The following SDK1 variants were observed in gnomAD, a reference collection of about 807,000 sequenced individuals.
SDK1 encodes the protein protein sidekick-1.
SDK1 carries 157 observed loss-of-function variants against 245.5 expected under a neutral mutation model. The ratio of observed to expected loss-of-function variants is 0.64; its 90% CI spans 0.56 to 0.73. SDK1 has a LOEUF of 0.73. SDK1 is among the 30% of genes least tolerant of loss of function. SDK1 has a pLI of 0.00. For synonymous variants in SDK1, 1,647 were observed against 1,278.5 expected (o/e 1.29, Z -6.15); for missense variants, 3,583 against 3,002.3 (o/e 1.19, Z -4.52).
chr7:3,620,368 T>A (rs1158275207), intron 2 of SDK1, among the ~76,000 whole-genome samples: 5 of 152,028 alleles, frequency 3.3e-5, no homozygotes, highest in African/African-American at 1.2e-4. Context: ...AGTGGCGCGA[T>A]CTTGGCTCAC....
chr7:3,836,811 C>CT (rs917656109), intron 5 of SDK1, among the ~76,000 whole-genome samples: 1 of 152,118 alleles, frequency 6.6e-6, no homozygotes, highest in Non-Finnish European at 1.5e-5. Context: ...GACTGGGTGA[C>CT]TTAAACAACA....
At chr7:3,865,244 G>A (rs935640952) in intron 5 of SDK1, among the ~76,000 whole-genome samples, 55 of 152,334 alleles carry the variant, frequency 3.6e-4, no homozygotes, top group African/African-American at 1.1e-3. Flanking sequence ...AGCAGGGAGT[G>A]TGGGAGGCCT....
intron 17 of SDK1, among the ~76,000 whole-genome samples, chr7:4,032,050 T>G (rs1037194591): frequency 7.0e-6 from 1 of 143,492 alleles, no homozygotes; most frequent in South Asian, 2.2e-4. Flanking sequence ...AAAAAGTACA[T>G]AGATAGATAG....
chr7:3,633,964 G>A (rs1232817343), intron 2 of SDK1, among the ~76,000 whole-genome samples: 1 of 151,962 alleles, frequency 6.6e-6, no homozygotes, highest in Non-Finnish European at 1.5e-5. Flanking sequence ...CTACTCCCCT[G>A]GACTAGGGCT....
chr7:4,252,154 C>T (rs1201099553), intron 44 of SDK1, among the ~76,000 whole-genome samples: 1 of 151,896 alleles, frequency 6.6e-6, no homozygotes, highest in Non-Finnish European at 1.5e-5. Flanking sequence ...TGTGCTGCAC[C>T]CATTAACTTG....
intron 1 of SDK1, among the ~76,000 whole-genome samples, chr7:3,608,455 T>G (rs540924891): frequency 7.3e-4 from 111 of 152,320 alleles, no homozygotes; most frequent in African/African-American, 2.6e-3. Flanking sequence ...GAAAATAAGC[T>G]TGTTGCATCA....
chr7:3,957,002 T>A (rs1451126067), intron 7 of SDK1, among the ~76,000 whole-genome samples: 1 of 152,200 alleles, frequency 6.6e-6, no homozygotes, highest in Non-Finnish European at 1.5e-5. Context: ...CATTGTTATC[T>A]ATGGATTTTG....
intron 41 of SDK1, among the ~76,000 whole-genome samples, chr7:4,234,865 G>T (rs574278497): frequency 1.3e-5 from 2 of 152,220 alleles, no homozygotes; most frequent in Admixed American, 1.3e-4. Context: ...GGAGGCCTCG[G>T]CGTTGGGGCA....
chr7:3,374,056 A>C (rs1370591093), intron 1 of SDK1, among the ~76,000 whole-genome samples: 1 of 152,206 alleles, frequency 6.6e-6, no homozygotes, highest in Non-Finnish European at 1.5e-5. Context: ...ATGTCATCTC[A>C]GTCCAAATTG....
At chr7:4,186,745 G>A (rs1305881876) in intron 35 of SDK1, among the ~76,000 whole-genome samples, 1 of 152,186 alleles carries the variant, frequency 6.6e-6, no homozygotes, top group African/African-American at 2.4e-5. Context: ...CTCAAATGCT[G>A]TGAGCATGCC....
At chr7:4,053,473 A>C (rs776611785) in intron 19 of SDK1, among the ~76,000 whole-genome samples, 1 of 151,620 alleles carries the variant, frequency 6.6e-6, no homozygotes, top group African/African-American at 2.4e-5. Context: ...CAATCTTTTT[A>C]CTATTGGATC....
At chr7:3,472,103 G>T (rs964648123) in intron 1 of SDK1, among the ~76,000 whole-genome samples, 4 of 152,092 alleles carry the variant, frequency 2.6e-5, no homozygotes, top group Non-Finnish European at 5.9e-5. Context: ...TCCTTTATCT[G>T]TGTCTCCTTC....
intron 1 of SDK1, among the ~76,000 whole-genome samples, chr7:3,441,806 A>T (rs1301346490): frequency 6.6e-6 from 1 of 152,204 alleles, no homozygotes; most frequent in Non-Finnish European, 1.5e-5. Context: ...TAAAACCATT[A>T]TCTGCGTTTA....
chr7:4,168,717 T>C (rs596572), intron 32 of SDK1, among the ~76,000 whole-genome samples: 123,678 of 152,226 alleles, frequency 0.81, 50,688 homozygotes, highest in African/African-American at 0.94. Flanking sequence ...CTCGAGCTGC[T>C]GCAGGTCTAT....
intron 20 of SDK1, among the ~76,000 whole-genome samples, chr7:4,074,916 A>T (rs201819424): frequency 0.067 from 4,299 of 64,370 alleles, 264 homozygotes; most frequent in African/African-American, 0.11. Flanking sequence ...ATATATATAT[A>T]TTTTTTTTTT....
intron 1 of SDK1, among the ~76,000 whole-genome samples, chr7:3,304,314 C>T (rs1209222608): frequency 6.6e-6 from 1 of 152,228 alleles, no homozygotes; most frequent in Non-Finnish European, 1.5e-5. Context: ...GGTGGCAACA[C>T]ATGCTTTCTT....
Position 3,378,745 on chromosome 7 carries a change from G to A in SDK1, c.298+76861G>A, listed in dbSNP as rs567942357. 9.5e-4 allele frequency among the ~76,000 whole-genome samples: 145 copies of A among 152,030 alleles called. 1 individual carries two copies. Among genetic ancestry groups the A allele is most frequent in the African/African-American group, 3.4e-3 (142 of 41,440 alleles). On this transcript the variant is annotated intron_variant, in intron 1 of 44. Coordinates refer to ENST00000404826, the MANE Select transcript of SDK1 (RefSeq NM_152744.4). ...TTCTCACGCAGGAGCTCAGCTTCAG[G>A]TGACTTTGCAGGGGAAGGGCAGGGA...
intron 30 of SDK1, among the ~76,000 whole-genome samples, chr7:4,157,166 G>A (rs943509973): frequency 5.3e-5 from 8 of 152,180 alleles, no homozygotes; most frequent in African/African-American, 1.7e-4. Context: ...TTGTCTGCAC[G>A]GAAGAGTTTG....
At chr7:4,087,356 A>G (rs781031228) in intron 22 of SDK1, among the ~76,000 whole-genome samples, 2 of 152,226 alleles carry the variant, frequency 1.3e-5, no homozygotes, top group East Asian at 1.9e-4. Context: ...ATTCTGTTCT[A>G]TTAGCCTGGT....
Sources: allele counts gnomAD v4.1 joint callset (sites outside exome capture counted in the v4.1 genomes callset), GRCh38; gene constraint gnomAD v4.1.1; transcripts MANE v1.5; gene names NCBI Gene and HGNC (gene_info 2026-07-23, HGNC 2026-07-21).